GRIK2: variants seen among roughly 807,000 people sequenced by gnomAD.
GRIK2 encodes glutamate receptor ionotropic, kainate 2.
A neutral mutation model predicts 100.3 loss-of-function variants in GRIK2; 32 were observed. That is an observed-to-expected ratio of 0.32 (90% CI 0.24 to 0.43). GRIK2 has a LOEUF of 0.43. Ranked by LOEUF, GRIK2 falls within the 20% of genes least tolerant of loss-of-function variation. The probability of loss-of-function intolerance (pLI) is 1.00; values close to 1 mark genes in which losing one functional copy is unlikely to be tolerated. For missense variants in GRIK2, 843 were observed against 1,114.9 expected, an observed-to-expected ratio of 0.76 and a Z score of 3.47; for synonymous variants, 417 against 389.4, an observed-to-expected ratio of 1.07 and a Z score of -0.83.
intron 2 of GRIK2, among the ~76,000 whole-genome samples, chr6:101,537,442 T>TTGTGTGTGTGCG (rs757947703): frequency 4.5e-5 from 6 of 134,072 alleles, no homozygotes; most frequent in African/African-American, 1.1e-4. Context: ...GTGTGTGTGT[T>TTGTGTGTGTGCG]TGTGTGTGTG....
intron 9 of GRIK2, among the ~76,000 whole-genome samples, chr6:101,811,223 T>C (rs1253214733): frequency 6.6e-6 from 1 of 152,082 alleles, no homozygotes; most frequent in Non-Finnish European, 1.5e-5. Flanking sequence ...TGGAAACCCA[T>C]GTACAGTGTG....
chr6:101,829,227 C>T (rs1782523863), intron 10 of GRIK2, among the ~76,000 whole-genome samples: 1 of 151,740 alleles, frequency 6.6e-6, no homozygotes, highest in African/African-American at 2.4e-5. Flanking sequence ...TAATAAAAAT[C>T]CTCAACAAAC....
chr6:101,893,430 A>G (rs1416643590), intron 12 of GRIK2, among the ~76,000 whole-genome samples: 3 of 151,742 alleles, frequency 2.0e-5, no homozygotes, highest in Non-Finnish European at 4.4e-5. Flanking sequence ...GAATTATGTA[A>G]TACTTAGGAA....
At chr6:101,896,033 G>T (rs1448956671) in intron 12 of GRIK2, among the ~76,000 whole-genome samples, 2 of 151,620 alleles carry the variant, frequency 1.3e-5, no homozygotes, top group African/African-American at 2.4e-5. Context: ...CATAGTAGAT[G>T]AGGCTACTTC....
At chr6:101,740,784 G>A (rs867864785) in intron 7 of GRIK2, among the ~76,000 whole-genome samples, 2 of 152,114 alleles carry the variant, frequency 1.3e-5, no homozygotes, top group African/African-American at 2.4e-5. Flanking sequence ...GAAGCAAGAG[G>A]GGGTGGTGCC....
intron 2 of GRIK2, among the ~76,000 whole-genome samples, chr6:101,438,738 C>T (rs945032125): frequency 2.6e-5 from 4 of 152,184 alleles, no homozygotes; most frequent in African/African-American, 9.6e-5. Context: ...AGTATTTCTT[C>T]GCATTAAATT....
At chr6:101,612,629 G>C (rs924910373) in intron 2 of GRIK2, among the ~76,000 whole-genome samples, 1 of 151,720 alleles carries the variant, frequency 6.6e-6, no homozygotes, top group African/African-American at 2.4e-5. Context: ...GTTCAGTGCA[G>C]TTAGGACCAG....
chr6:101,875,119 C>T (rs926903680), intron 11 of GRIK2, among the ~76,000 whole-genome samples: 3 of 152,094 alleles, frequency 2.0e-5, no homozygotes, highest in Non-Finnish European at 4.4e-5. Flanking sequence ...CTGGCCAGAA[C>T]TTCCAACACT....
chr6:101,701,533 A>G (rs1180114738), intron 7 of GRIK2, among the ~76,000 whole-genome samples: 3 of 152,086 alleles, frequency 2.0e-5, no homozygotes, highest in Non-Finnish European at 4.4e-5. Context: ...TTACTAAATC[A>G]AAAGGAAAAG....
chr6:101,507,128 A>G (rs764553393), intron 2 of GRIK2, among the ~76,000 whole-genome samples: 1 of 152,066 alleles, frequency 6.6e-6, no homozygotes, highest in Non-Finnish European at 1.5e-5. Context: ...TATTTTAGGA[A>G]TCTTGAAATC....
intron 4 of GRIK2, among the ~76,000 whole-genome samples, chr6:101,636,048 A>G (rs943036666): frequency 6.6e-6 from 1 of 152,184 alleles, no homozygotes; most frequent in Non-Finnish European, 1.5e-5. Flanking sequence ...AGACACATGC[A>G]CACGTATGTT....
At chr6:101,408,334 G>T (rs1175380230) in intron 2 of GRIK2, among the ~76,000 whole-genome samples, 1 of 151,882 alleles carries the variant, frequency 6.6e-6, no homozygotes, top group African/African-American at 2.4e-5. Context: ...ATTCTCCAGA[G>T]AAATAGAAAA....
intron 4 of GRIK2, among the ~76,000 whole-genome samples, chr6:101,648,907 C>T (rs1031249199): frequency 6.6e-6 from 1 of 152,024 alleles, no homozygotes; most frequent in Non-Finnish European, 1.5e-5. Flanking sequence ...ACATGTCTTA[C>T]ATGGTGGCAG....
Position 101,691,358 on chromosome 6 carries a change from G to A in GRIK2, c.951+5005G>A, listed in dbSNP as rs150915266. 2.5e-3 allele frequency among the ~76,000 whole-genome samples: 372 copies of A among 149,354 alleles called. 7 individuals carry two copies. The highest frequency in any genetic ancestry group is 9.0e-3 in the African/African-American group (365 of 40,462). ...TCTGCCACCCAGGCTGGAGTGCAAT[G>A]ACAGTCTCTGCTCACTGCAACCTCT... is the stretch of plus-strand genomic sequence containing the variant. On this transcript the variant is annotated intron_variant, in intron 7 of 16. Coordinates refer to ENST00000369134, the MANE Select transcript of GRIK2 (RefSeq NM_021956.5).
At chr6:101,797,830 ATTAT>A (rs1418880731) in intron 7 of GRIK2, among the ~76,000 whole-genome samples, 3 of 147,870 alleles carry the variant, frequency 2.0e-5, no homozygotes, top group African/African-American at 7.4e-5. Flanking sequence ...ATATAAAACC[ATTAT>A]TTATACATTT....
chr6:101,556,321 A>ATTTTTTTTTGTTTTTTT (rs1776736899), intron 2 of GRIK2, among the ~76,000 whole-genome samples: 1 of 59,396 alleles, frequency 1.7e-5, no homozygotes, highest in Non-Finnish European at 3.6e-5. Flanking sequence ...TATATTGGTA[A>ATTTTTTTTTGTTTTTTT]TTTTTTTTTT....
At chr6:101,674,174 G>T (rs6919567) in intron 4 of GRIK2, among the ~76,000 whole-genome samples, 113,012 of 151,708 alleles carry the variant, frequency 0.74, 42,436 homozygotes, top group African/African-American at 0.78. Flanking sequence ...GCTCTCGTAT[G>T]ACACCTAAAA....
intron 14 of GRIK2, among the ~76,000 whole-genome samples, chr6:101,947,511 A>ATAAG (rs1267659775): frequency 6.6e-6 from 1 of 152,186 alleles, no homozygotes; most frequent in Non-Finnish European, 1.5e-5. Flanking sequence ...AAGGAGCATT[A>ATAAG]TAAGTACAGA....
intron 11 of GRIK2, among the ~76,000 whole-genome samples, chr6:101,885,053 G>A (rs374338630): frequency 5.9e-5 from 9 of 152,020 alleles, no homozygotes; most frequent in Non-Finnish European, 1.0e-4. Context: ...TATGCCTGCC[G>A]GCTTTCAAGT....
Sources: allele counts gnomAD v4.1 joint callset (sites outside exome capture counted in the v4.1 genomes callset), GRCh38; gene constraint gnomAD v4.1.1; transcripts MANE v1.5; gene names NCBI Gene and HGNC (gene_info 2026-07-23, HGNC 2026-07-21).